KLHL1: variants seen among roughly 807,000 people sequenced by gnomAD.
KLHL1 encodes kelch like family member 1, also known as kelch-like protein 1.
Under a neutral mutation model 77.7 loss-of-function variants are expected in KLHL1, and 47 were observed. That is an observed-to-expected ratio of 0.60 (90% confidence interval 0.48 to 0.77). The LOEUF (loss-of-function observed/expected upper bound fraction) is 0.77. Ranked by LOEUF, KLHL1 falls within the 30% of genes least tolerant of loss-of-function variation. The pLI, the probability that KLHL1 is intolerant of heterozygous loss-of-function variation, is 0.00. For synonymous variants in KLHL1, 360 were observed against 325.2 expected (o/e 1.11, Z -1.15); for missense variants, 925 against 910.8 (o/e 1.02, Z -0.20).
At chr13:69,832,497 G>C (rs951993395) in intron 6 of KLHL1, among the ~76,000 whole-genome samples, 1 of 149,778 alleles carries the variant, frequency 6.7e-6, no homozygotes, top group Non-Finnish European at 1.5e-5. Context: ...TGGATGGGTA[G>C]AATCATTGGG....
intron 1 of KLHL1, among the ~76,000 whole-genome samples, chr13:69,997,891 T>C (rs150541939): frequency 2.0e-4 from 31 of 151,826 alleles, no homozygotes; most frequent in Middle Eastern, 3.5e-3. Context: ...TCTTGACTGC[T>C]GAAAATAATA....
intron 1 of KLHL1, among the ~76,000 whole-genome samples, chr13:70,065,864 T>A (rs1278921985): frequency 6.6e-6 from 1 of 151,970 alleles, no homozygotes; most frequent in Non-Finnish European, 1.5e-5. Context: ...TAATATTCAT[T>A]ACTTCATCAA....
chr13:69,884,939 T>C (rs9572302), intron 4 of KLHL1, among the ~76,000 whole-genome samples: 2 of 3,456 alleles, frequency 5.8e-4, no homozygotes, highest in Non-Finnish European at 1.2e-3. Context: ...CTTTTCTTTT[T>C]TTTTTTTTTT....
At chr13:70,041,512 G>A (rs1886379496) in intron 1 of KLHL1, among the ~76,000 whole-genome samples, 1 of 152,162 alleles carries the variant, frequency 6.6e-6, no homozygotes, top group Non-Finnish European at 1.5e-5. Context: ...TGTTGGGTAG[G>A]GGTAAAGTGG....
At chr13:69,801,520 T>C (rs1443716944) in intron 6 of KLHL1, among the ~76,000 whole-genome samples, 2 of 152,120 alleles carry the variant, frequency 1.3e-5, no homozygotes, top group African/African-American at 4.8e-5. Flanking sequence ...TATGTTGTCA[T>C]TGTGTGAGCT....
At chr13:70,053,396 C>T (rs892283574) in intron 1 of KLHL1, among the ~76,000 whole-genome samples, 1 of 151,888 alleles carries the variant, frequency 6.6e-6, no homozygotes, top group Non-Finnish European at 1.5e-5. Context: ...ATGCAAGAGA[C>T]GGACAGCTCT....
intron 1 of KLHL1, among the ~76,000 whole-genome samples, chr13:70,031,898 C>A (rs1283520460): frequency 1.3e-5 from 2 of 152,068 alleles, no homozygotes; most frequent in African/African-American, 4.8e-5. Flanking sequence ...GGGAAAAGAG[C>A]AAGTGAACTA....
rs73516708 is a variant in KLHL1 at position 70,020,631 on chromosome 13, C to A, written c.498-44829G>T. 8.4e-3 allele frequency among the ~76,000 whole-genome samples: 1,282 copies of A among 152,134 alleles called. 19 individuals carry two copies. Among genetic ancestry groups the A allele is most frequent in the African/African-American group, 0.03 (1,232 of 41,534 alleles). On this transcript the variant is annotated intron_variant, in intron 1 of 10. Coordinates refer to ENST00000377844, the MANE Select transcript of KLHL1 (RefSeq NM_020866.3). The stretch of plus-strand genomic sequence containing the variant: ...GGAGAGCAGAAGCTGTACCTTTTAT[C>A]TATGATTCCCAGGGCACAGATAACC...
At chr13:70,065,941 G>A (rs558927984) in intron 1 of KLHL1, among the ~76,000 whole-genome samples, 2 of 152,102 alleles carry the variant, frequency 1.3e-5, no homozygotes, top group African/African-American at 4.8e-5. Context: ...CTATTATGTA[G>A]ACTAGTGAGC....
rs538358988 is a variant in KLHL1 at position 69,714,569 on chromosome 13, TTTTTA to T, written c.2015+4795_2015+4799del. 4.6e-3 allele frequency among the ~76,000 whole-genome samples: 702 copies of T among 151,834 alleles called. 2 individuals carry two copies. Among genetic ancestry groups the T allele is most frequent in the Non-Finnish European group, 7.9e-3 (537 of 67,922 alleles). Reference sequence around the variant, plus strand: ...TAATTAGCACTATAAATCCAAATTATTTTTATTTTATTTTATTTTATTTATTTATT... The same window carrying T: ...TAATTAGCACTATAAATCCAAATTATTTTTATTTTATTTTATTTATTTATT... On this transcript the variant is annotated intron_variant, in intron 9 of 10. Transcript: ENST00000377844.
At chr13:70,073,340 T>C (rs918211193) in intron 1 of KLHL1, among the ~76,000 whole-genome samples, 4 of 151,866 alleles carry the variant, frequency 2.6e-5, no homozygotes, top group Non-Finnish European at 4.4e-5. Context: ...TTCTCACTCA[T>C]AGGTGGGAAT....
intron 6 of KLHL1, among the ~76,000 whole-genome samples, chr13:69,827,036 A>G (rs1369310822): frequency 2.6e-5 from 4 of 151,314 alleles, no homozygotes; most frequent in African/African-American, 9.8e-5. Context: ...GCTTATAATT[A>G]GAATAAAATT....
intron 8 of KLHL1, among the ~76,000 whole-genome samples, chr13:69,736,231 A>G (rs186183288): frequency 6.6e-6 from 1 of 152,360 alleles, no homozygotes; most frequent in African/African-American, 2.4e-5. Context: ...GGCTAAGGAC[A>G]TGAATAGACA....
chr13:69,882,372 T>A lies in KLHL1; in HGVS notation c.1138A>T (p.Met380Leu), dbSNP rs780363038. Residue 380 changes from methionine to leucine, a missense_variant, in exon 5 of 11, where the codon ATG becomes TTG. Met to Leu is a conservative substitution (Grantham distance 15). Coordinates refer to ENST00000377844, the MANE Select transcript of KLHL1 (RefSeq NM_020866.3). ...PDEETIFHAL[M>L]MWVKYDMQSR... ...TGCATGTCATACTTGACCCACATCA[T>A]CAATGCATGGAAGATGGTTTCTTCA... 1.8e-5 allele frequency: 29 copies of A among 1,613,836 alleles called. No individual in the cohort carries two copies. The South Asian group carries it at 2.9e-4, about 16-fold the overall frequency.
At chr13:69,722,431 C>T (rs1001615443) in intron 8 of KLHL1, among the ~76,000 whole-genome samples, 1 of 151,634 alleles carries the variant, frequency 6.6e-6, no homozygotes, top group African/African-American at 2.4e-5. Flanking sequence ...TCTGAACAGA[C>T]CTATATCTAT....
chr13:69,722,739 C>A (rs115946208), intron 8 of KLHL1, among the ~76,000 whole-genome samples: 4 of 151,768 alleles, frequency 2.6e-5, no homozygotes, highest in South Asian at 2.1e-4. Context: ...AAAACCATTA[C>A]GAAAAACAGT....
chr13:69,778,485 G>A (rs551517796), intron 7 of KLHL1, among the ~76,000 whole-genome samples: 13 of 151,458 alleles, frequency 8.6e-5, no homozygotes, highest in East Asian at 7.7e-4. Flanking sequence ...CATCATTGCC[G>A]AATATAGTAT....
At position 69,877,679 on chromosome 13, in the gene KLHL1, CTA is replaced by C. The variant is rs148328125; in HGVS notation, c.1227+4602_1227+4603del. Reference sequence around the variant, plus strand: ...CTATCATTTTCCCTTTTTCTCTGGTCTATAGCAAAGTAAATAACTGAATTTGT... The same window carrying C: ...CTATCATTTTCCCTTTTTCTCTGGTCTAGCAAAGTAAATAACTGAATTTGT... On this transcript the variant is annotated intron_variant, in intron 5 of 10. Coordinates refer to ENST00000377844, the MANE Select transcript of KLHL1 (RefSeq NM_020866.3). Among the ~76,000 whole-genome samples the C allele has an allele frequency of 3.7e-4, 56 of 152,022 alleles. 2 individuals carry two copies. The East Asian group carries it at 0.01, about 28-fold the overall frequency.
chr13:69,823,471 T>C (rs1427498462), intron 6 of KLHL1, among the ~76,000 whole-genome samples: 3 of 152,052 alleles, frequency 2.0e-5, no homozygotes, highest in African/African-American at 7.2e-5. Context: ...TAAAATTATT[T>C]ATTTTAAAAA....
Sources: gnomAD v4.1 joint callset for allele counts (sites outside exome capture counted in the v4.1 genomes callset) on GRCh38, gnomAD v4.1.1 for gene constraint, MANE v1.5 for transcripts, NCBI Gene and HGNC (gene_info 2026-07-23, HGNC 2026-07-21) for gene names.